Variants in PTK6 observed in about 807,000 individuals in gnomAD.
The protein encoded by PTK6 is protein-tyrosine kinase 6.
In PTK6, 47 loss-of-function variants were observed where a neutral mutation model predicts 47.5. The ratio of observed to expected loss-of-function variants is 0.99; its 90% confidence interval spans 0.78 to 1.26. The LOEUF (loss-of-function observed/expected upper bound fraction) is 1.26. Ranked by LOEUF, PTK6 falls within the 50% of genes most tolerant of loss-of-function variation. The probability of loss-of-function intolerance (pLI) is 0.00; values close to 1 mark genes in which losing one functional copy is unlikely to be tolerated. For synonymous variants in PTK6, 287 were observed against 276.5 expected, an observed-to-expected ratio of 1.04 and a Z score of -0.38; for missense variants, 618 against 625.3, an observed-to-expected ratio of 0.99 and a Z score of 0.12.
chr20:63,530,044 T>C lies in PTK6; in HGVS notation c.1168+34A>G, dbSNP rs779710802. 2.4e-5 allele frequency: 39 copies of C among 1,610,356 alleles called. No homozygotes were observed. The highest frequency in any genetic ancestry group is 3.1e-5 in the Non-Finnish European group (37 of 1,178,224). Reference sequence around the variant, plus strand: ...TACCCAGGACCTCCCCCACTCTGCCTCTCATGCCCAGTCAGGGACAGTGGG... The same window carrying C: ...TACCCAGGACCTCCCCCACTCTGCCCCTCATGCCCAGTCAGGGACAGTGGG... On this transcript the variant is annotated intron_variant, in intron 7 of 7. Coordinates refer to ENST00000542869, the MANE Select transcript of PTK6 (RefSeq NM_005975.4). This position sits in a 1 kb window ranked among gnomAD's most constrained non-coding sequence, Gnocchi z 4.1.
intron 1 of PTK6, among the ~76,000 whole-genome samples, chr20:63,535,264 G>A (rs997273141): frequency 5.3e-5 from 8 of 152,304 alleles, no homozygotes; most frequent in East Asian, 1.9e-4. Context: ...CTGAGGACCC[G>A]GCGGGGGCAG....
Position 63,532,450 on chromosome 20 carries a change from TGGG to T in PTK6, c.832+73_832+75del, listed in dbSNP as rs11086169. On this transcript the variant is annotated intron_variant, in intron 5 of 7. Transcript: ENST00000542869. ...GTCTACGTGTGTGTGTGTGTAGACGTGGGGGGGGGGTGTGCACTTTATTTCCTC... is the reference window on the plus strand; with the variant it reads ...GTCTACGTGTGTGTGTGTGTAGACGTGGGGGGGTGTGCACTTTATTTCCTC... The T allele has an allele frequency of 0.031, 41,011 of 1,316,710 alleles. 7,688 individuals carry two copies. In the African/African-American group the frequency reaches 0.46, roughly 15 times the overall value. The allele number at this position is 1,316,710 out of a possible 1,614,324, so 81.6% of individuals were successfully genotyped here.
chr20:63,530,706 C>CCCCGGCCACGA lies in PTK6; in HGVS notation c.1014+29_1014+39dup. The CCCCGGCCACGA allele has an allele frequency of 6.2e-7, 1 of 1,603,644 alleles. No individual in the cohort carries two copies. The highest frequency in any genetic ancestry group is 1.1e-5 in the South Asian group (1 of 90,492). ...GGAAGCCCCCAGCCCTCCGGCCACG[C>CCCCGGCCACGA]CCCGGCCACGACCCCAGCCACGCCC... On this transcript the variant is annotated intron_variant, in intron 6 of 7. Coordinates refer to ENST00000542869, the MANE Select transcript of PTK6 (RefSeq NM_005975.4). The surrounding 1 kb of genome is among the most constrained non-coding windows in gnomAD (Gnocchi z 4.1).
At position 63,532,698 on chromosome 20, in the gene PTK6, G is replaced by C. The variant is rs768684546; in HGVS notation, c.671-11C>G. ...GGTGCAGGAGGTTGTCTGCGGGGAC[G>C]GGTGGCCTCGGTGGATGCAGCCCCT... On this transcript the variant is annotated splice_polypyrimidine_tract_variant and intron_variant, in intron 4 of 7. Coordinates refer to ENST00000542869, the MANE Select transcript of PTK6 (RefSeq NM_005975.4). The C allele has an allele frequency of 1.2e-6, 2 of 1,611,956 alleles. No homozygotes were observed. The highest frequency in any genetic ancestry group is 1.7e-5 in the Admixed American group (1 of 59,938).
At chr20:63,534,077 C>A in intron 3 of PTK6, 75 bp downstream of exon 3, 1 of 1,461,910 alleles carries the variant, frequency 6.8e-7, no homozygotes, top group South Asian at 1.4e-5. Flanking sequence ...CCCGGCCAAC[C>A]TCTCCCAGTA....
Position 63,530,299 on chromosome 20 carries a change from G to T in PTK6, c.1015-68C>A. ...TGCCCTGCCCCCGAAGCATGGACGGGCACAGCGGCCGCATTGCCCCAGCAG... is the reference window on the plus strand; with the variant it reads ...TGCCCTGCCCCCGAAGCATGGACGGTCACAGCGGCCGCATTGCCCCAGCAG... On this transcript the variant is annotated intron_variant, in intron 6 of 7. Coordinates refer to ENST00000542869, the MANE Select transcript of PTK6 (RefSeq NM_005975.4). This position sits in a 1 kb window ranked among gnomAD's most constrained non-coding sequence, Gnocchi z 4.1. The T allele has an allele frequency of 6.3e-7, 1 of 1,579,402 alleles. No homozygotes were observed. The highest frequency in any genetic ancestry group is 8.6e-7 in the Non-Finnish European group (1 of 1,156,156).
rs1053804311 is a variant in PTK6, at chr20:63,528,702, C to G, written c.*834G>C. On this transcript the variant is annotated 3_prime_UTR_variant, in exon 8 of 8. Transcript: ENST00000542869. ...TGCTGGGATTACAGGCATGAGCCAC[C>G]GTGCCCCGCCTATTCTTCTTTTAAA... The G allele has an allele frequency of 6.6e-6, 1 of 152,192 alleles. No homozygotes were observed. Among genetic ancestry groups the G allele is most frequent in the East Asian group, 1.9e-4 (1 of 5,188 alleles). 9.4% of individuals were successfully genotyped at this position (152,192 alleles called of 1,614,324 possible).
chr20:63,532,691 C>T lies in PTK6; in HGVS notation c.671-4G>A, dbSNP rs745514350. The T allele has an allele frequency of 1.6e-5, 25 of 1,612,756 alleles. No individual in the cohort carries two copies. In the Admixed American group the frequency reaches 3.0e-4, roughly 19 times the overall value. On this transcript the variant is annotated splice_polypyrimidine_tract_variant and splice_region_variant and intron_variant, in intron 4 of 7. Coordinates refer to ENST00000542869, the MANE Select transcript of PTK6 (RefSeq NM_005975.4). ...ATCTGCTGGTGCAGGAGGTTGTCTG[C>T]GGGGACGGGTGGCCTCGGTGGATGC...
In PTK6 at chr20:63,533,496, G is replaced by A; in HGVS notation, c.670+55C>T. The A allele has an allele frequency of 6.6e-7, 1 of 1,512,348 alleles. No homozygotes were observed. The highest frequency in any genetic ancestry group is 8.9e-7 in the Non-Finnish European group (1 of 1,126,542). 93.7% of individuals were successfully genotyped at this position (1,512,348 alleles called of 1,614,324 possible). A position where few individuals can be genotyped will look rare whatever the true frequency, so the allele number is the denominator to read the frequency against. On this transcript the variant is annotated intron_variant, in intron 4 of 7. Transcript: ENST00000542869. The surrounding 1 kb of genome is among the most constrained non-coding windows in gnomAD (Gnocchi z 4.0). ...AGAGGTCCCTGTTGGCGGGGTGGGA[G>A]GGTGGCCCAGGGCAGGCACGGGGCC...
At chr20:63,531,075 A>C in intron 5 of PTK6, 148 bp from the exon 6 acceptor site, 1 of 742,850 alleles carries the variant, frequency 1.3e-6, no homozygotes. Flanking sequence ...CCTGATTGAA[A>C]ATTGGAACTG....
At chr20:63,535,743 C>G (rs1374864364) in intron 1 of PTK6, among the ~76,000 whole-genome samples, 2 of 148,196 alleles carry the variant, frequency 1.3e-5, no homozygotes, top group Non-Finnish European at 3.0e-5. Flanking sequence ...CCCACCTGCC[C>G]CTCCAACCAC....
intron 1 of PTK6, 35 bp downstream of exon 1, chr20:63,537,050 C>T (rs747035445): frequency 6.4e-7 from 1 of 1,569,432 alleles, no homozygotes; most frequent in South Asian, 1.2e-5. Flanking sequence ...AGAGGGTGGC[C>T]TGTGCCAAAG....
At chr20:63,536,978 C>T (rs867584427) in intron 1 of PTK6, 107 bp downstream of exon 1, 9 of 1,209,470 alleles carry the variant, frequency 7.4e-6, no homozygotes, top group South Asian at 1.5e-5. Context: ...AAGATGGAAC[C>T]GGGGTCCCCA....
intron 1 of PTK6, among the ~76,000 whole-genome samples, chr20:63,535,472 C>T (rs564185756): frequency 8.5e-5 from 13 of 152,172 alleles, no homozygotes; most frequent in African/African-American, 9.6e-5. Flanking sequence ...AACACACACG[C>T]GCATGTGTGC....
chr20:63,537,314 T>TGGCG lies in PTK6; in HGVS notation c.-4_-1dup. 1 of 1,606,578 alleles carries TGGCG rather than the reference T, an allele frequency of 6.2e-7. No homozygotes were observed. The highest frequency in any genetic ancestry group is 8.5e-7 in the Non-Finnish European group (1 of 1,176,764). On this transcript the variant is annotated 5_prime_UTR_variant, in exon 1 of 8. Coordinates refer to ENST00000542869, the MANE Select transcript of PTK6 (RefSeq NM_005975.4). The stretch of plus-strand genomic sequence containing the variant: ...AGGTGAGCCTGGTCCCGGGACACCA[T>TGGCG]GGCGGGCGGGCGCAGCGGCAGGACC...
chr20:63,535,764 GC>G (rs553361888), intron 1 of PTK6, among the ~76,000 whole-genome samples: 1,931 of 11,142 alleles, frequency 0.17, 190 homozygotes, highest in African/African-American at 0.26. Context: ...CTGGCCTCCC[GC>G]CCCCCCCCTC....
intron 5 of PTK6, among the ~76,000 whole-genome samples, chr20:63,531,172 A>G (rs1251398912): frequency 6.6e-6 from 1 of 152,156 alleles, no homozygotes; most frequent in Non-Finnish European, 1.5e-5. Flanking sequence ...CTGTAATCCC[A>G]GCACTTTGAG....
At position 63,534,954 on chromosome 20, in the gene PTK6, G is replaced by T. The variant is rs771237415; in HGVS notation, c.336C>A (p.Ala112=). ...GGGCCGCACCCGACAGGACGTAGTCGGCACTCGGCTTCTCGCTGACCCTGA... is the reference window on the plus strand; with the variant it reads ...GGGCCGCACCCGACAGGACGTAGTCTGCACTCGGCTTCTCGCTGACCCTGA... ...FLIRVSEKPS[A]DYVLSVRDTQ... The change falls in exon 2 of 8, where the codon GCC becomes GCA. Residue 112 remains alanine (A), a synonymous_variant. Coordinates refer to ENST00000542869, the MANE Select transcript of PTK6 (RefSeq NM_005975.4). 4 of 1,603,814 alleles carry T rather than the reference G, an allele frequency of 2.5e-6. No individual in the cohort carries two copies. Among genetic ancestry groups the T allele is most frequent in the African/African-American group, 2.7e-5 (2 of 74,790 alleles).
chr20:63,532,381 G>C, intron 5 of PTK6, 145 bp downstream of exon 5: 1 of 1,054,710 alleles, frequency 9.5e-7, no homozygotes, highest in Non-Finnish European at 1.3e-6. Flanking sequence ...CTGTGTGTCT[G>C]TGTCTGTGTC....
Sources: allele counts gnomAD v4.1 joint callset (sites outside exome capture counted in the v4.1 genomes callset), GRCh38; gene constraint gnomAD v4.1.1; non-coding constraint Gnocchi (gnomAD v3.1); transcripts MANE v1.5; gene names NCBI Gene and HGNC (gene_info 2026-07-23, HGNC 2026-07-21).